The following GALNT14 variants were observed in gnomAD, a reference collection of about 807,000 sequenced individuals.
GALNT14 encodes UDP-GalNAc:polypeptide N-acetylgalactosaminyltransferase 14.
In GALNT14, 60 loss-of-function variants were observed where a neutral mutation model predicts 77.5. The ratio of observed to expected loss-of-function variants is 0.77; its 90% CI spans 0.63 to 0.96. The LOEUF is 0.96. Among genes scored for constraint, GALNT14 ranks in the 40% least tolerant of loss-of-function variants. The pLI is 0.00. For missense variants in GALNT14, 710 were observed against 731.0 expected (o/e 0.97, Z 0.33); for synonymous variants, 280 against 281.7 (o/e 0.99, Z 0.06).
At chr2:31,035,562 T>G (rs997148921) in intron 1 of GALNT14, among the ~76,000 whole-genome samples, 6 of 137,976 alleles carry the variant, frequency 4.3e-5, no homozygotes, top group Non-Finnish European at 9.3e-5. Flanking sequence ...AATGTGTGTG[T>G]GTGTGTATGT....
At chr2:31,038,872 A>T (rs1672927611) in intron 1 of GALNT14, among the ~76,000 whole-genome samples, 1 of 151,950 alleles carries the variant, frequency 6.6e-6, no homozygotes, top group Non-Finnish European at 1.5e-5. Flanking sequence ...CGGCCTCCCA[A>T]GTGACTGGGA....
chr2:30,902,016 G>A, the GALNT14 span, among the ~76,000 whole-genome samples: 7 of 152,230 alleles, frequency 4.6e-5, no homozygotes, highest in South Asian at 1.2e-3. Flanking sequence ...GCTAGTCCAG[G>A]TTACTACCTT....
rs113586563 is a variant in GALNT14, at chr2:31,090,176, C to T, written c.129+47782G>A. 8.0e-3 allele frequency among the ~76,000 whole-genome samples: 1,225 copies of T among 152,290 alleles called. 18 individuals carry two copies. The highest frequency in any genetic ancestry group is 0.028 in the African/African-American group (1,157 of 41,562). On this transcript the variant is annotated intron_variant, in intron 1 of 14. Coordinates refer to ENST00000349752, the MANE Select transcript of GALNT14 (RefSeq NM_024572.4). ...TCCTCCACTGATGGAGCAAAGTGTC[C>T]CTCAAGAAGGCCCCCAGTTCACAGC...
chr2:30,893,965 C>T, the GALNT14 span, among the ~76,000 whole-genome samples: 4 of 152,042 alleles, frequency 2.6e-5, no homozygotes, highest in Admixed American at 1.3e-4. Flanking sequence ...CTCAGTTACA[C>T]TATATATAAT....
At chr2:30,958,352 G>A in intron 4 of GALNT14, 45 bp downstream of exon 4, 1 of 1,534,782 alleles carries the variant, frequency 6.5e-7, no homozygotes, top group Non-Finnish European at 9.0e-7. Flanking sequence ...GAGTGGCTGG[G>A]AACAGACATT....
the GALNT14 span, among the ~76,000 whole-genome samples, chr2:30,902,585 G>GC: frequency 2.8e-3 from 433 of 152,218 alleles, 4 homozygotes; most frequent in Middle Eastern, 0.02. Context: ...TTATTCCTTT[G>GC]CCCCCATTCC....
chr2:30,947,674 A>T (rs187612382), intron 6 of GALNT14, among the ~76,000 whole-genome samples: 1 of 151,992 alleles, frequency 6.6e-6, no homozygotes, highest in Non-Finnish European at 1.5e-5. Flanking sequence ...TGCACCAACC[A>T]CCCTTTGGCC....
intron 13 of GALNT14, among the ~76,000 whole-genome samples, chr2:30,916,382 C>T (rs1664678476): frequency 6.6e-6 from 1 of 152,204 alleles, no homozygotes; most frequent in Non-Finnish European, 1.5e-5. Context: ...TGAGAATAAG[C>T]AGCTCAACCC....
rs142151985 is a variant in GALNT14 at position 31,102,569 on chromosome 2, T to G, written c.129+35389A>C. Among the ~76,000 whole-genome samples, 290 of 152,312 alleles carry G rather than the reference T, an allele frequency of 1.9e-3. 1 individual carries two copies. The highest frequency in any genetic ancestry group is 6.5e-3 in the African/African-American group (272 of 41,588). On this transcript the variant is annotated intron_variant, in intron 1 of 14. Transcript: ENST00000349752. Reference sequence around the variant, plus strand: ...TATTGAGGTTATCTATGTTCCCTAATAGATGGTCAATATTTGTGAATGTTT... The same window carrying G: ...TATTGAGGTTATCTATGTTCCCTAAGAGATGGTCAATATTTGTGAATGTTT...
At chr2:31,115,283 C>T (rs529743031) in intron 1 of GALNT14, among the ~76,000 whole-genome samples, 24 of 152,008 alleles carry the variant, frequency 1.6e-4, no homozygotes, top group South Asian at 4.1e-4. Flanking sequence ...TAATCCCAAA[C>T]GAACCACAAA....
Position 31,007,068 on chromosome 2 carries a change from G to A in GALNT14, c.130-14061C>T, listed in dbSNP as rs533848677. 7.9e-5 allele frequency among the ~76,000 whole-genome samples: 12 copies of A among 152,282 alleles called. No homozygotes were observed. In the East Asian group the frequency reaches 1.2e-3, roughly 15 times the overall value. ...AATGACTTTGAAACGACTTTATCTCGTGGGACTCTGTGGGGGCTGCTGGCT... is the reference window on the plus strand; with the variant it reads ...AATGACTTTGAAACGACTTTATCTCATGGGACTCTGTGGGGGCTGCTGGCT... On this transcript the variant is annotated intron_variant, in intron 1 of 14. Coordinates refer to ENST00000349752, the MANE Select transcript of GALNT14 (RefSeq NM_024572.4).
chr2:30,956,221 A>T (rs531179372), intron 4 of GALNT14, among the ~76,000 whole-genome samples: 1 of 152,350 alleles, frequency 6.6e-6, no homozygotes, highest in East Asian at 1.9e-4. Flanking sequence ...GGAACAGGTC[A>T]GTACACAATG....
rs374530052 is a variant in GALNT14, at chr2:30,984,939, AAATTCGTGTATT to A, written c.299+7887_299+7898del. 7.4e-3 allele frequency among the ~76,000 whole-genome samples: 1,127 copies of A among 152,202 alleles called. 11 individuals are homozygous for A. The highest frequency in any genetic ancestry group is 0.026 in the African/African-American group (1,082 of 41,528). The stretch of plus-strand genomic sequence containing the variant: ...TGGGTGCCTGAACACTGAGGGCAGG[AAATTCGTGTATT>A]AATTCCAAGAGCAAGGGTATGGCCT... On this transcript the variant is annotated intron_variant, in intron 2 of 14. Coordinates refer to ENST00000349752, the MANE Select transcript of GALNT14 (RefSeq NM_024572.4).
At chr2:30,977,936 A>G (rs1244042200) in intron 2 of GALNT14, among the ~76,000 whole-genome samples, 1 of 152,086 alleles carries the variant, frequency 6.6e-6, no homozygotes, top group African/African-American at 2.4e-5. Flanking sequence ...CCTGCAGAAG[A>G]GTCACTTCCA....
At chr2:31,053,284 G>A (rs896204064) in intron 1 of GALNT14, among the ~76,000 whole-genome samples, 4 of 152,022 alleles carry the variant, frequency 2.6e-5, no homozygotes, top group Admixed American at 1.3e-4. Context: ...CCCTGACTCC[G>A]GGGGGCAGTC....
chr2:31,124,877 C>T (rs1248957719), intron 1 of GALNT14, among the ~76,000 whole-genome samples: 1 of 152,192 alleles, frequency 6.6e-6, no homozygotes, highest in African/African-American at 2.4e-5. Flanking sequence ...ATTCACCTCT[C>T]CCCTGGAAGC....
Position 30,924,760 on chromosome 2 carries a change from C to T in GALNT14, c.1215G>A (p.Glu405=). 6.2e-7 allele frequency: 1 copy of T among 1,614,078 alleles called. No individual in the cohort carries two copies. Among genetic ancestry groups the T allele is most frequent in the East Asian group, 2.2e-5 (1 of 44,882 alleles). ...LRCQSFKWYL[E]NIYPELSIPK... ...GATACCTGAGTTCAGGGTAGATATT[C>T]TCCAGGTACCACTTGAAGCTCTGGC... is the stretch of plus-strand genomic sequence containing the variant. The change falls in exon 12 of 15, where the codon GAG becomes GAA. Residue 405 remains glutamate (E), a synonymous_variant. Coordinates refer to ENST00000349752, the MANE Select transcript of GALNT14 (RefSeq NM_024572.4).
chr2:30,944,979 C>G lies in GALNT14; in HGVS notation c.743-37G>C, dbSNP rs148827477. On this transcript the variant is annotated intron_variant, in intron 7 of 14. Coordinates refer to ENST00000349752, the MANE Select transcript of GALNT14 (RefSeq NM_024572.4). ...CACCAACCCACCTGCTTTGGTCTCTCAAAAGCACTTGCTCATTCTGCACCC... is the reference window on the plus strand; with the variant it reads ...CACCAACCCACCTGCTTTGGTCTCTGAAAAGCACTTGCTCATTCTGCACCC... 3.2e-6 allele frequency: 5 copies of G among 1,542,016 alleles called. No individual in the cohort carries two copies. In the African/African-American group the frequency reaches 6.8e-5, roughly 21 times the overall value.
intron 13 of GALNT14, among the ~76,000 whole-genome samples, chr2:30,913,622 C>G (rs538211184): frequency 1.1e-4 from 16 of 152,304 alleles, no homozygotes; most frequent in Non-Finnish European, 2.1e-4. Context: ...AATACGTCCA[C>G]CTTGAGTCAA....
Sources: gnomAD v4.1 joint callset for allele counts (sites outside exome capture counted in the v4.1 genomes callset) on GRCh38, gnomAD v4.1.1 for gene constraint, MANE v1.5 for transcripts, NCBI Gene and HGNC (gene_info 2026-07-23, HGNC 2026-07-21) for gene names.